The following FHIT variants were observed in gnomAD, a reference collection of about 807,000 sequenced individuals.
FHIT encodes the protein fragile histidine triad diadenosine triphosphatase.
Under a neutral mutation model 17.9 loss-of-function variants are expected in FHIT, and 19 were observed. That is an observed-to-expected ratio of 1.06 (90% CI 0.74 to 1.56). The LOEUF is 1.56. Among genes scored for constraint, FHIT ranks in the 40% most tolerant of loss-of-function variants. FHIT has a pLI of 0.00. For synonymous variants in FHIT, 81 were observed against 69.7 expected, an observed-to-expected ratio of 1.16 and a Z score of -0.81; for missense variants, 248 against 189.2, an observed-to-expected ratio of 1.31 and a Z score of -1.82.
In FHIT at chr3:60,322,780, G is replaced by A. The variant is rs1055794368; in HGVS notation, c.103+214080C>T. On this transcript the variant is annotated intron_variant, in intron 5 of 9. Coordinates refer to ENST00000492590, the MANE Select transcript of FHIT (RefSeq NM_002012.4). Reference sequence around the variant, plus strand: ...AGATGATAAAGAAAGAGGTAGAGGAGGAAGTACTATTTTTGTGCCCTTGAT... The same window carrying A: ...AGATGATAAAGAAAGAGGTAGAGGAAGAAGTACTATTTTTGTGCCCTTGAT... Among the ~76,000 whole-genome samples the A allele has an allele frequency of 7.2e-5, 11 of 152,162 alleles. No homozygotes were observed. The South Asian group carries it at 1.5e-3, about 20-fold the overall frequency.
chr3:59,849,641 T>C (rs1264594132), intron 8 of FHIT, among the ~76,000 whole-genome samples: 1 of 152,158 alleles, frequency 6.6e-6, no homozygotes, highest in African/African-American at 2.4e-5. Context: ...TGAGGGACTG[T>C]ATGGAAGAGA....
At chr3:59,987,024 A>AATATAAAAT (rs1194804819) in intron 7 of FHIT, among the ~76,000 whole-genome samples, 7 of 117,488 alleles carry the variant, frequency 6.0e-5, no homozygotes, top group African/African-American at 1.6e-4. Context: ...AAAAAATAAA[A>AATATAAAAT]ATATAAAATA....
intron 4 of FHIT, among the ~76,000 whole-genome samples, chr3:60,710,391 A>T (rs537119833): frequency 6.6e-6 from 1 of 152,222 alleles, no homozygotes; most frequent in Non-Finnish European, 1.5e-5. Context: ...TACCCGGTTC[A>T]TCTCACTAGG....
At chr3:60,376,087 C>T (rs1357152719) in intron 5 of FHIT, among the ~76,000 whole-genome samples, 1 of 152,114 alleles carries the variant, frequency 6.6e-6, no homozygotes, top group Non-Finnish European at 1.5e-5. Flanking sequence ...CTGTGTGTCC[C>T]CTTGTAGGAC....
chr3:59,813,999 A>G (rs183656624), intron 8 of FHIT, among the ~76,000 whole-genome samples: 1 of 151,980 alleles, frequency 6.6e-6, no homozygotes, highest in African/African-American at 2.4e-5. Context: ...ACAATTCTAA[A>G]AGGACGGATT....
At chr3:60,788,452 T>C (rs1410476783) in intron 4 of FHIT, among the ~76,000 whole-genome samples, 1 of 152,230 alleles carries the variant, frequency 6.6e-6, no homozygotes, top group Non-Finnish European at 1.5e-5. Context: ...ACATAGAATG[T>C]ATATGTGTAT....
At chr3:60,787,614 T>C (rs1281374840) in intron 4 of FHIT, among the ~76,000 whole-genome samples, 1 of 152,240 alleles carries the variant, frequency 6.6e-6, no homozygotes, top group Non-Finnish European at 1.5e-5. Context: ...AACATAAATG[T>C]GTATAAGGTT....
intron 5 of FHIT, among the ~76,000 whole-genome samples, chr3:60,456,412 C>T (rs2032097165): frequency 6.6e-6 from 1 of 152,178 alleles, no homozygotes; most frequent in Admixed American, 6.5e-5. Flanking sequence ...TGACTTCAGA[C>T]ATAATTGTCA....
chr3:60,027,144 C>CAG (rs1366510677), intron 5 of FHIT, among the ~76,000 whole-genome samples: 3 of 118,148 alleles, frequency 2.5e-5, no homozygotes, highest in African/African-American at 9.5e-5. Context: ...CACACACACA[C>CAG]ACACAAAATT....
chr3:60,204,670 A>G (rs1298131249), intron 5 of FHIT, among the ~76,000 whole-genome samples: 1 of 152,114 alleles, frequency 6.6e-6, no homozygotes, highest in Non-Finnish European at 1.5e-5. Context: ...GAAGTCAGAA[A>G]ATGTTAGAGA....
At chr3:60,918,826 G>A (rs1194313515) in intron 3 of FHIT, among the ~76,000 whole-genome samples, 1 of 152,150 alleles carries the variant, frequency 6.6e-6, no homozygotes, top group Non-Finnish European at 1.5e-5. Context: ...TATTAATTCA[G>A]CATTAATTGT....
intron 2 of FHIT, among the ~76,000 whole-genome samples, chr3:61,048,884 C>T (rs2033916662): frequency 6.6e-6 from 1 of 151,930 alleles, no homozygotes; most frequent in South Asian, 2.1e-4. Flanking sequence ...GACAGAAAAC[C>T]AAAAACCGCA....
chr3:61,083,314 G>A (rs1470938829), intron 2 of FHIT, among the ~76,000 whole-genome samples: 3 of 152,144 alleles, frequency 2.0e-5, no homozygotes, highest in South Asian at 2.1e-4. Context: ...ACGTTGGCCC[G>A]GCGCGTTGGC....
intron 5 of FHIT, among the ~76,000 whole-genome samples, chr3:60,035,641 C>G (rs1412028152): frequency 6.6e-6 from 1 of 152,198 alleles, no homozygotes; most frequent in Non-Finnish European, 1.5e-5. Context: ...GGACAAGATT[C>G]AGCCACACCT....
At chr3:60,340,240 G>C (rs936141285) in intron 5 of FHIT, among the ~76,000 whole-genome samples, 2 of 152,180 alleles carry the variant, frequency 1.3e-5, no homozygotes, top group African/African-American at 4.8e-5. Context: ...TTCAAGAACA[G>C]ACATCTGCAA....
intron 5 of FHIT, among the ~76,000 whole-genome samples, chr3:60,140,234 TAACTG>T (rs1369133946): frequency 2.0e-5 from 3 of 152,188 alleles, no homozygotes. Flanking sequence ...TTGTTTCTGT[TAACTG>T]AACCACCATT....
At position 60,619,459 on chromosome 3, in the gene FHIT, G is replaced by A. The variant is rs988502877; in HGVS notation, c.-17-82480C>T. ...CAAAGTAGGAGCACTGACACTATCC[G>A]ACTTCAAGAGTTAGAACAAAGCTAT... is the stretch of plus-strand genomic sequence containing the variant. On this transcript the variant is annotated intron_variant, in intron 4 of 9. Coordinates refer to ENST00000492590, the MANE Select transcript of FHIT (RefSeq NM_002012.4). 1.5e-4 allele frequency among the ~76,000 whole-genome samples: 23 copies of A among 152,104 alleles called. 1 individual carries two copies. Among genetic ancestry groups the A allele is most frequent in the Admixed American group, 7.9e-4 (12 of 15,286 alleles).
intron 5 of FHIT, among the ~76,000 whole-genome samples, chr3:60,314,422 A>G (rs1353775338): frequency 6.6e-6 from 1 of 152,178 alleles, no homozygotes; most frequent in Non-Finnish European, 1.5e-5. Flanking sequence ...CCTGGATAAA[A>G]TAAAACTCAA....
intron 5 of FHIT, among the ~76,000 whole-genome samples, chr3:60,134,020 C>A (rs1699706519): frequency 6.6e-6 from 1 of 151,944 alleles, no homozygotes; most frequent in African/African-American, 2.4e-5. Context: ...ACTGATTTTA[C>A]CACCACTGAG....
Sources: allele counts gnomAD v4.1 joint callset (sites outside exome capture counted in the v4.1 genomes callset), GRCh38; gene constraint gnomAD v4.1.1; transcripts MANE v1.5; gene names NCBI Gene and HGNC (gene_info 2026-07-23, HGNC 2026-07-21).